Variants in SPOCK3 observed in about 807,000 individuals in gnomAD.
The protein encoded by SPOCK3 is SPARC (osteonectin), cwcv and kazal like domains proteoglycan 3, also known as testican-3.
SPOCK3 carries 30 observed loss-of-function variants against 56.6 expected under a neutral mutation model. That is an observed-to-expected ratio of 0.53 (90% CI 0.40 to 0.72). SPOCK3 has a LOEUF of 0.72. Among genes scored for constraint, SPOCK3 ranks in the 30% least tolerant of loss-of-function variants. SPOCK3 has a pLI of 0.00. For missense variants in SPOCK3, 527 were observed against 530.0 expected (o/e 0.99, Z 0.06); for synonymous variants, 196 against 183.3 (o/e 1.07, Z -0.56).
At chr4:166,895,840 C>G (rs1467463112) in intron 5 of SPOCK3, among the ~76,000 whole-genome samples, 2 of 152,118 alleles carry the variant, frequency 1.3e-5, no homozygotes, top group Non-Finnish European at 2.9e-5. Context: ...GTGAATTTAG[C>G]TTTGGCACAA....
chr4:167,213,452 T>C (rs1314177424), intron 2 of SPOCK3, among the ~76,000 whole-genome samples: 1 of 152,178 alleles, frequency 6.6e-6, no homozygotes, highest in Non-Finnish European at 1.5e-5. Context: ...AAAGGTTATG[T>C]GATATTATAA....
intron 4 of SPOCK3, among the ~76,000 whole-genome samples, chr4:166,953,615 G>A (rs961421007): frequency 2.0e-5 from 3 of 152,104 alleles, no homozygotes; most frequent in Non-Finnish European, 4.4e-5. Flanking sequence ...AAATCATGCT[G>A]CTATGAAGAC....
intron 5 of SPOCK3, among the ~76,000 whole-genome samples, chr4:166,897,528 G>A (rs192694936): frequency 6.6e-6 from 1 of 152,246 alleles, no homozygotes; most frequent in Admixed American, 6.5e-5. Context: ...AATGTGTGAA[G>A]AACATCAAAC....
intron 4 of SPOCK3, among the ~76,000 whole-genome samples, chr4:166,938,697 T>C (rs1044072431): frequency 1.3e-5 from 2 of 151,970 alleles, no homozygotes; most frequent in Non-Finnish European, 2.9e-5. Context: ...AGAAAAAACA[T>C]AATCAACATT....
chr4:166,812,629 C>T (rs1301540740), intron 6 of SPOCK3, among the ~76,000 whole-genome samples: 1 of 151,746 alleles, frequency 6.6e-6, no homozygotes, highest in Non-Finnish European at 1.5e-5. Flanking sequence ...CTTCTATTTC[C>T]ATTGCATTTA....
At chr4:166,997,615 G>T (rs898669916) in intron 4 of SPOCK3, among the ~76,000 whole-genome samples, 10 of 152,140 alleles carry the variant, frequency 6.6e-5, no homozygotes, top group African/African-American at 2.4e-4. Flanking sequence ...TCAAGATCTG[G>T]GTACACAGCA....
intron 3 of SPOCK3, among the ~76,000 whole-genome samples, chr4:167,022,802 C>A (rs1751321354): frequency 1.3e-5 from 2 of 151,990 alleles, no homozygotes; most frequent in South Asian, 4.1e-4. Flanking sequence ...TGCTGGCCAG[C>A]TGGTTATGGA....
chr4:166,867,210 C>A (rs561095536), intron 6 of SPOCK3, among the ~76,000 whole-genome samples: 1 of 152,102 alleles, frequency 6.6e-6, no homozygotes, highest in Non-Finnish European at 1.5e-5. Context: ...TTTCAAATTA[C>A]TGTTTCCTCT....
At chr4:166,829,489 A>G (rs1745818886) in intron 6 of SPOCK3, among the ~76,000 whole-genome samples, 1 of 152,110 alleles carries the variant, frequency 6.6e-6, no homozygotes, top group Admixed American at 6.6e-5. Flanking sequence ...TTAATCAAGT[A>G]GAGCATGATT....
intron 8 of SPOCK3, among the ~76,000 whole-genome samples, chr4:166,750,282 A>C (rs1223370049): frequency 2.0e-5 from 3 of 152,168 alleles, no homozygotes; most frequent in Non-Finnish European, 2.9e-5. Context: ...ATCTAGATAA[A>C]AGAATAGTAA....
intron 2 of SPOCK3, among the ~76,000 whole-genome samples, chr4:167,131,875 A>G (rs1250885895): frequency 1.3e-5 from 2 of 152,206 alleles, no homozygotes; most frequent in African/African-American, 4.8e-5. Context: ...ATGAATCTCA[A>G]AACCTAAGAA....
chr4:166,745,347 GA>G (rs1735460149), intron 8 of SPOCK3, among the ~76,000 whole-genome samples: 2 of 152,170 alleles, frequency 1.3e-5, no homozygotes, highest in African/African-American at 4.8e-5. Context: ...CATTCTTAAA[GA>G]AAAGTATTTT....
At position 166,789,422 on chromosome 4, in the gene SPOCK3, G is replaced by T. The variant is rs144228792; in HGVS notation, c.709+2748C>A. ...CTAGCCTGGGCAACAAGAGCGAAAC[G>T]CTGTCTCAAAAAAAGAAAAAAACCA... On this transcript the variant is annotated intron_variant, in intron 7 of 10. Transcript: ENST00000357545. 7.5e-3 allele frequency among the ~76,000 whole-genome samples: 1,144 copies of T among 151,890 alleles called. 12 individuals are homozygous for T. The highest frequency in any genetic ancestry group is 0.026 in the African/African-American group (1,087 of 41,438).
chr4:167,011,112 ATAATCT>A (rs1392866336), intron 3 of SPOCK3: 1 of 251,984 alleles, frequency 4.0e-6, no homozygotes, highest in Non-Finnish European at 8.3e-6. Flanking sequence ...AAAAAAAGAG[ATAATCT>A]TAGATTGGAC....
chr4:166,871,838 G>C (rs1437231930), intron 6 of SPOCK3, among the ~76,000 whole-genome samples: 2 of 150,420 alleles, frequency 1.3e-5, no homozygotes, highest in African/African-American at 4.9e-5. Flanking sequence ...AATATAAAAA[G>C]AGTAAGCAGT....
At chr4:167,148,376 A>T (rs1355812885) in intron 2 of SPOCK3, among the ~76,000 whole-genome samples, 1 of 152,120 alleles carries the variant, frequency 6.6e-6, no homozygotes, top group Non-Finnish European at 1.5e-5. Context: ...TTCTATTATC[A>T]TCTGGTCAGA....
chr4:167,155,271 C>T (rs540465881), intron 2 of SPOCK3, among the ~76,000 whole-genome samples: 4 of 152,036 alleles, frequency 2.6e-5, no homozygotes, highest in South Asian at 4.1e-4. Flanking sequence ...ACTCCGCCAC[C>T]ACGCCCAGCT....
At chr4:166,834,880 A>T (rs1482321469) in intron 6 of SPOCK3, among the ~76,000 whole-genome samples, 1 of 151,906 alleles carries the variant, frequency 6.6e-6, no homozygotes, top group Non-Finnish European at 1.5e-5. Context: ...CTGTACTTCC[A>T]CTGTACTCTG....
rs112835460 is a variant in SPOCK3 at position 166,836,754 on chromosome 4, C to T, written c.590-44465G>A. Among the ~76,000 whole-genome samples, 315 of 152,274 alleles carry T rather than the reference C, an allele frequency of 2.1e-3. 7 individuals carry two copies. In the East Asian group the frequency reaches 0.039, roughly 19 times the overall value. On this transcript the variant is annotated intron_variant, in intron 6 of 10. Coordinates refer to ENST00000357545, the MANE Select transcript of SPOCK3 (RefSeq NM_001040159.2). Reference sequence around the variant, plus strand: ...CCTTTGAGTACTTTCTGACCAGGTTCGACCTTAGCCTGAGAAAGAATTCTG... The same window carrying T: ...CCTTTGAGTACTTTCTGACCAGGTTTGACCTTAGCCTGAGAAAGAATTCTG...
Sources: allele counts gnomAD v4.1 joint callset (sites outside exome capture counted in the v4.1 genomes callset), GRCh38; gene constraint gnomAD v4.1.1; transcripts MANE v1.5; gene names NCBI Gene and HGNC (gene_info 2026-07-23, HGNC 2026-07-21).